Variants in EVC observed in about 807,000 individuals in gnomAD.
EVC encodes the protein evC complex member EVC.
Under a neutral mutation model 118.9 loss-of-function variants are expected in EVC, and 116 were observed. The observed-to-expected ratio is 0.98, with a 90% CI of 0.84 to 1.14. EVC has a LOEUF of 1.14. EVC is among the 50% of genes most tolerant of loss of function. EVC has a pLI of 0.00. For synonymous variants in EVC, 619 were observed against 534.7 expected (o/e 1.16, Z -2.18); for missense variants, 1,401 against 1,246.4 (o/e 1.12, Z -1.87).
intron 8 of EVC, chr4:5,752,560 AGGGTGGCCCTCT>A: frequency 1.8e-6 from 1 of 544,536 alleles, no homozygotes; most frequent in East Asian, 3.2e-5. Context: ...CCCTCCTAGG[AGGGTGGCCCTCT>A]GGGGAGCGCT....
intron 1 of EVC, among the ~76,000 whole-genome samples, chr4:5,718,206 G>C (rs1462781849): frequency 6.6e-6 from 1 of 152,106 alleles, no homozygotes; most frequent in Non-Finnish European, 1.5e-5. Flanking sequence ...CGTTGTTCCT[G>C]GGGGGAAAAC....
At chr4:5,741,632 A>AG (rs1728591084) in intron 5 of EVC, 84 bp from the exon 6 acceptor site, 1 of 751,690 alleles carries the variant, frequency 1.3e-6, no homozygotes, top group Non-Finnish European at 2.4e-6. Flanking sequence ...TGGGGGAGGG[A>AG]GGGAGAAGAG....
chr4:5,779,354 G>T (rs1735239613), intron 11 of EVC, among the ~76,000 whole-genome samples: 1 of 151,612 alleles, frequency 6.6e-6, no homozygotes, highest in South Asian at 2.1e-4. Flanking sequence ...GAACTTTAAA[G>T]TAGTTTTTTC....
chr4:5,798,630 A>C lies in EVC; in HGVS notation c.2142A>C (p.Ala714=), dbSNP rs1422820324. 6.3e-7 allele frequency: 1 copy of C among 1,589,574 alleles called. No individual in the cohort carries two copies. The highest frequency in any genetic ancestry group is 1.3e-5 in the African/African-American group (1 of 74,598). The change falls in exon 15 of 21, where the codon GCA becomes GCC. Residue 714 remains alanine (A), a synonymous_variant. Transcript: ENST00000264956. This position sits in a 1 kb window ranked among gnomAD's most constrained non-coding sequence, Gnocchi z 4.1. ...AGGCCAGCCGGCTAGAGGAGGAAGC[A>C]CAGCAGACACGGCTGCAGCTCCAGC... is the stretch of plus-strand genomic sequence containing the variant. The part of the protein sequence containing the change: ...LEEASRLEEE[A]QQTRLQLQQR...
chr4:5,796,464 C>G (rs966189666), intron 13 of EVC, among the ~76,000 whole-genome samples: 1 of 151,912 alleles, frequency 6.6e-6, no homozygotes, highest in Non-Finnish European at 1.5e-5. Context: ...TTCACTCCAC[C>G]CATGTTGGAA....
intron 8 of EVC, among the ~76,000 whole-genome samples, chr4:5,750,710 A>C (rs1448811021): frequency 6.6e-6 from 1 of 152,228 alleles, no homozygotes; most frequent in South Asian, 2.1e-4. Flanking sequence ...CCCGGCACGT[A>C]GGAAGCATTC....
chr4:5,762,706 A>G (rs1286002921), intron 11 of EVC, among the ~76,000 whole-genome samples: 2 of 141,240 alleles, frequency 1.4e-5, no homozygotes, highest in Non-Finnish European at 3.1e-5. Flanking sequence ...TCTTCTTTTG[A>G]GAAGTGTCTG....
chr4:5,753,697 A>G (rs1730741566), intron 9 of EVC, 88 bp from the exon 10 acceptor site: 1 of 1,564,470 alleles, frequency 6.4e-7, no homozygotes. Flanking sequence ...AGCTTCCCCA[A>G]CCTCCAGACA....
At chr4:5,780,431 C>T (rs1249443544) in intron 11 of EVC, among the ~76,000 whole-genome samples, 2 of 152,180 alleles carry the variant, frequency 1.3e-5, no homozygotes, top group African/African-American at 2.4e-5. Flanking sequence ...TCCAGTTGCT[C>T]ATCTTCTCTG....
In EVC at chr4:5,749,305, A is replaced by G. The variant is rs1577424569; in HGVS notation, c.1098+999A>G. ...GAAGAAGAATTGTCTTAGGCCACACATAAAATACATTAACACTAACGATAG... is the reference window on the plus strand; with the variant it reads ...GAAGAAGAATTGTCTTAGGCCACACGTAAAATACATTAACACTAACGATAG... On this transcript the variant is annotated intron_variant, in intron 8 of 20. Transcript: ENST00000264956. This position sits in a 1 kb window ranked among gnomAD's most constrained non-coding sequence, Gnocchi z 4.4. Among the ~76,000 whole-genome samples the G allele has an allele frequency of 1.3e-5, 2 of 151,318 alleles. No individual in the cohort carries two copies.
At chr4:5,713,078 A>G (rs1285671635) in intron 1 of EVC, among the ~76,000 whole-genome samples, 2 of 152,220 alleles carry the variant, frequency 1.3e-5, no homozygotes, top group Non-Finnish European at 2.9e-5. Context: ...GGTGGTGGTT[A>G]GTATCCCATT....
chr4:5,799,510 G>A (rs1673995128), intron 15 of EVC, among the ~76,000 whole-genome samples: 1 of 152,202 alleles, frequency 6.6e-6, no homozygotes, highest in African/African-American at 2.4e-5. Flanking sequence ...CGCCGGGGCT[G>A]CAGGAGAATG....
downstream of EVC, among the ~76,000 whole-genome samples, chr4:5,818,135 C>G (rs1447644757): frequency 1.3e-5 from 2 of 152,110 alleles, no homozygotes; most frequent in African/African-American, 4.8e-5. Context: ...GAATAAGTCT[C>G]AAGAGGTCTG....
chr4:5,767,954 T>G (rs1185331517), intron 11 of EVC, among the ~76,000 whole-genome samples: 1 of 152,252 alleles, frequency 6.6e-6, no homozygotes, highest in East Asian at 1.9e-4. Flanking sequence ...ATTTTACTTT[T>G]CTTCCTCAGT....
At chr4:5,779,433 G>A in intron 11 of EVC, among the ~76,000 whole-genome samples, 1 of 149,446 alleles carries the variant, frequency 6.7e-6, no homozygotes, top group Non-Finnish European at 1.5e-5. Context: ...ACCTTGGGCA[G>A]TATGGCCATT....
At chr4:5,823,486 C>A in the EVC span, among the ~76,000 whole-genome samples, 1 of 152,210 alleles carries the variant, frequency 6.6e-6, no homozygotes, top group Non-Finnish European at 1.5e-5. Context: ...TCCCCCAAAA[C>A]TTCGTGTTGA....
rs144252040 is a variant in EVC at position 5,780,931 on chromosome 4, C to G, written c.1564-2621C>G. Among the ~76,000 whole-genome samples the G allele has an allele frequency of 9.8e-5, 15 of 152,344 alleles. No homozygotes were observed. The East Asian group carries it at 2.9e-3, about 29-fold the overall frequency. On this transcript the variant is annotated intron_variant, in intron 11 of 20. Transcript: ENST00000264956. ...CCAGAATCCTCTCCCCATGGAGTCA[C>G]ACAGGATGCACTTAATTCACATGAG...
In EVC at chr4:5,810,939, TTC is replaced by T. The variant is rs371125826; in HGVS notation, c.2895-10_2895-9del. On this transcript the variant is annotated splice_polypyrimidine_tract_variant and intron_variant, in intron 20 of 20. Coordinates refer to ENST00000264956, the MANE Select transcript of EVC (RefSeq NM_153717.3). ...TCAGCGTTCTAACTGGCTGCCTTTC[TTC>T]TCTGTTTTAAGCAGCAAAAGGCTGA... 1.8e-4 allele frequency: 291 copies of T among 1,609,282 alleles called. No homozygotes were observed. The East Asian group carries it at 4.9e-3, about 27-fold the overall frequency.
At position 5,756,326 on chromosome 4, in the gene EVC, T is replaced by G. The variant is rs1043481093; in HGVS notation, c.1527T>G (p.Asn509Lys). 3 of 1,612,392 alleles carry G rather than the reference T, an allele frequency of 1.9e-6. No homozygotes were observed. The highest frequency in any genetic ancestry group is 2.5e-6 in the Non-Finnish European group (3 of 1,179,612). The change falls in exon 11 of 21, where the codon AAT becomes AAG. Residue 509 changes from asparagine to lysine, a missense_variant. Coordinates refer to ENST00000264956, the MANE Select transcript of EVC (RefSeq NM_153717.3). This position sits in a 1 kb window ranked among gnomAD's most constrained non-coding sequence, Gnocchi z 4.2. ...LMQCDLEEEE[N>K]VRATEAVVAL... ...AGTGTGACCTGGAGGAAGAGGAGAA[T>G]GTCAGAGCCACCGAGGCTGTGGTTG...
Sources: allele counts gnomAD v4.1 joint callset (sites outside exome capture counted in the v4.1 genomes callset), GRCh38; gene constraint gnomAD v4.1.1; non-coding constraint Gnocchi (gnomAD v3.1); transcripts MANE v1.5; gene names NCBI Gene and HGNC (gene_info 2026-07-23, HGNC 2026-07-21).